The following GRM8 variants were observed in gnomAD, a reference collection of about 807,000 sequenced individuals.
GRM8 encodes the protein glutamate metabotropic receptor 8, also known as metabotropic glutamate receptor 8.
A neutral mutation model predicts 87.2 loss-of-function variants in GRM8; 47 were observed. The ratio of observed to expected loss-of-function variants is 0.54; its 90% CI spans 0.43 to 0.69. The LOEUF (loss-of-function observed/expected upper bound fraction) is 0.69. GRM8 is among the 30% of genes least tolerant of loss of function. GRM8 has a pLI of 0.00. For synonymous variants in GRM8, 396 were observed against 404.5 expected (o/e 0.98, Z 0.25); for missense variants, 1,019 against 1,139.2 (o/e 0.89, Z 1.52).
chr7:126,809,350 C>T (rs1031252727), intron 6 of GRM8, among the ~76,000 whole-genome samples: 2 of 152,102 alleles, frequency 1.3e-5, no homozygotes, highest in African/African-American at 4.8e-5. Flanking sequence ...ATTCTGCTTA[C>T]CACAACATTT....
chr7:127,181,728 A>G (rs1794449095), intron 2 of GRM8, among the ~76,000 whole-genome samples: 1 of 152,128 alleles, frequency 6.6e-6, no homozygotes, highest in African/African-American at 2.4e-5. Context: ...CAAAGTAAAC[A>G]AAAACATCAA....
At chr7:127,007,863 C>T (rs1814473026) in intron 3 of GRM8, among the ~76,000 whole-genome samples, 1 of 151,958 alleles carries the variant, frequency 6.6e-6, no homozygotes, top group African/African-American at 2.4e-5. Flanking sequence ...CTCCTAACTT[C>T]CAGTAGTTAT....
At chr7:126,561,604 TATTTA>T (rs1215516340) in intron 8 of GRM8, among the ~76,000 whole-genome samples, 2 of 151,918 alleles carry the variant, frequency 1.3e-5, no homozygotes, top group Admixed American at 6.6e-5. Flanking sequence ...TCTTTTATTT[TATTTA>T]TTTTTTTATT....
intron 3 of GRM8, among the ~76,000 whole-genome samples, chr7:126,938,077 T>C (rs913295442): frequency 5.3e-5 from 8 of 152,210 alleles, no homozygotes; most frequent in African/African-American, 1.9e-4. Context: ...CTCTTGTAGC[T>C]AACTAGACAT....
At chr7:126,653,582 G>T (rs2299486) in intron 7 of GRM8, among the ~76,000 whole-genome samples, 2 of 151,924 alleles carry the variant, frequency 1.3e-5, no homozygotes, top group South Asian at 4.1e-4. Flanking sequence ...CAGAAAATAC[G>T]CTTACTTTAT....
chr7:127,180,983 G>A (rs1216326514), intron 2 of GRM8, among the ~76,000 whole-genome samples: 1 of 152,064 alleles, frequency 6.6e-6, no homozygotes, highest in Non-Finnish European at 1.5e-5. Context: ...AGTACTGGAA[G>A]TCCTAGTCAG....
chr7:127,135,344 A>G (rs1404742726), intron 2 of GRM8, among the ~76,000 whole-genome samples: 1 of 152,136 alleles, frequency 6.6e-6, no homozygotes, highest in African/African-American at 2.4e-5. Flanking sequence ...GTGTACAGAA[A>G]TCTAACCAAA....
intron 9 of GRM8, among the ~76,000 whole-genome samples, chr7:126,486,124 C>T (rs1297932711): frequency 6.6e-6 from 1 of 152,020 alleles, no homozygotes; most frequent in Non-Finnish European, 1.5e-5. Flanking sequence ...CCCCGTCCAA[C>T]AAACCATAGC....
chr7:127,146,976 AC>A (rs566502263), intron 2 of GRM8, among the ~76,000 whole-genome samples: 2 of 152,004 alleles, frequency 1.3e-5, no homozygotes, highest in South Asian at 4.1e-4. Flanking sequence ...ATCACCTAAA[AC>A]CACTGTCTAC....
In GRM8 at chr7:127,015,041, AAG is replaced by A. The variant is rs1563413058; in HGVS notation, c.727+91453_727+91454del. Among the ~76,000 whole-genome samples the A allele has an allele frequency of 3.2e-4, 41 of 126,730 alleles. 1 individual carries two copies. Among genetic ancestry groups the A allele is most frequent in the South Asian group, 2.2e-3 (8 of 3,664 alleles). The allele number at this position is 126,730 out of a possible 152,430, so 83.1% of individuals were successfully genotyped here. ...GAAGAAGAAGAAGAAGAAGAAGAAG[AAG>A]AAGAAGAAGAAGAAGAAGAAGAAGA... On this transcript the variant is annotated intron_variant, in intron 3 of 10. Transcript: ENST00000339582.
chr7:126,652,475 G>T (rs1804012047), intron 7 of GRM8, among the ~76,000 whole-genome samples: 1 of 152,176 alleles, frequency 6.6e-6, no homozygotes, highest in Non-Finnish European at 1.5e-5. Context: ...TGAGTAAGTG[G>T]ACTGGGAAAG....
intron 7 of GRM8, among the ~76,000 whole-genome samples, chr7:126,646,302 G>GGAAGGAAA (rs1803076851): frequency 1.3e-5 from 2 of 148,818 alleles, no homozygotes; most frequent in Non-Finnish European, 3.0e-5. Flanking sequence ...AAGGAAGGAA[G>GGAAGGAAA]GAAAGAAGGA....
intron 6 of GRM8, among the ~76,000 whole-genome samples, chr7:126,816,752 G>GTGTGTGTGTGTC (rs1554501003): frequency 5.3e-5 from 8 of 151,650 alleles, no homozygotes; most frequent in African/African-American, 1.9e-4. Context: ...GTGTGTGTGT[G>GTGTGTGTGTGTC]TGTGTGTGTG....
chr7:127,023,519 G>A (rs1438437748), intron 3 of GRM8, among the ~76,000 whole-genome samples: 1 of 151,962 alleles, frequency 6.6e-6, no homozygotes, highest in African/African-American at 2.4e-5. Context: ...CCCGGACAGT[G>A]GTATTTAAGG....
At chr7:126,864,960 T>A (rs926473130) in intron 6 of GRM8, among the ~76,000 whole-genome samples, 1 of 152,188 alleles carries the variant, frequency 6.6e-6, no homozygotes, top group Admixed American at 6.5e-5. Flanking sequence ...CCTACTCTGG[T>A]ACAGGGCACA....
At chr7:126,955,819 GT>G (rs891285562) in intron 3 of GRM8, among the ~76,000 whole-genome samples, 1 of 152,176 alleles carries the variant, frequency 6.6e-6, no homozygotes, top group East Asian at 1.9e-4. Context: ...CTCGATAGGA[GT>G]TTTTTTATTT....
chr7:126,626,197 T>C (rs1333659142), intron 7 of GRM8, among the ~76,000 whole-genome samples: 1 of 151,968 alleles, frequency 6.6e-6, no homozygotes, highest in Non-Finnish European at 1.5e-5. Flanking sequence ...TAGTCCATTG[T>C]GTTGGTGGAA....
At chr7:127,102,944 C>T (rs1423380056) in intron 3 of GRM8, among the ~76,000 whole-genome samples, 1 of 152,210 alleles carries the variant, frequency 6.6e-6, no homozygotes, top group African/African-American at 2.4e-5. Flanking sequence ...CTCACTGCAA[C>T]CTCCACCTCC....
At chr7:127,011,079 A>G (rs991727651) in intron 3 of GRM8, among the ~76,000 whole-genome samples, 2 of 152,090 alleles carry the variant, frequency 1.3e-5, no homozygotes, top group African/African-American at 4.8e-5. Flanking sequence ...TCTCTTTTTT[A>G]AAATCCATGT....
Sources: allele counts gnomAD v4.1 joint callset (sites outside exome capture counted in the v4.1 genomes callset), GRCh38; gene constraint gnomAD v4.1.1; transcripts MANE v1.5; gene names NCBI Gene and HGNC (gene_info 2026-07-23, HGNC 2026-07-21).